Variants in RSPO2 observed in about 807,000 individuals in gnomAD.
RSPO2 encodes R-spondin-2.
RSPO2 carries 14 observed loss-of-function variants against 30.9 expected under a neutral mutation model. The ratio of observed to expected loss-of-function variants is 0.45; its 90% CI spans 0.30 to 0.71. The LOEUF is 0.71. Ranked by LOEUF, RSPO2 falls within the 30% of genes least tolerant of loss-of-function variation. RSPO2 has a pLI of 0.08. For missense variants in RSPO2, 264 were observed against 301.9 expected (o/e 0.87, Z 0.93); for synonymous variants, 107 against 96.4 (o/e 1.11, Z -0.64).
intron 2 of RSPO2, among the ~76,000 whole-genome samples, chr8:108,051,538 G>A (rs115035848): frequency 2.2e-4 from 34 of 152,304 alleles, no homozygotes; most frequent in African/African-American, 7.7e-4. Context: ...ATAGCAATGC[G>A]TGAATGGTTT....
At chr8:107,913,202 G>C (rs1316542420) in intron 5 of RSPO2, among the ~76,000 whole-genome samples, 1 of 152,122 alleles carries the variant, frequency 6.6e-6, no homozygotes, top group Non-Finnish European at 1.5e-5. Flanking sequence ...TGGTCCCAAA[G>C]CTTACCCTCT....
chr8:108,076,454 A>G (rs1293732414), intron 2 of RSPO2, among the ~76,000 whole-genome samples: 1 of 152,214 alleles, frequency 6.6e-6, no homozygotes, highest in Non-Finnish European at 1.5e-5. Flanking sequence ...TGAGGAGTCT[A>G]TGAGAGCCTG....
At chr8:108,079,331 A>G (rs1372406679) in intron 2 of RSPO2, among the ~76,000 whole-genome samples, 2 of 152,162 alleles carry the variant, frequency 1.3e-5, no homozygotes, top group African/African-American at 4.8e-5. Flanking sequence ...TGACTATCAA[A>G]TGCATTTTTA....
At chr8:108,020,660 A>G (rs1214898663) in intron 2 of RSPO2, among the ~76,000 whole-genome samples, 1 of 152,184 alleles carries the variant, frequency 6.6e-6, no homozygotes, top group Non-Finnish European at 1.5e-5. Flanking sequence ...AACATTTATG[A>G]TTACTTGCTA....
chr8:107,989,021 C>A (rs1226970594), intron 3 of RSPO2, 35 bp downstream of exon 3: 11 of 1,530,246 alleles, frequency 7.2e-6, no homozygotes, highest in Non-Finnish European at 8.7e-6. Context: ...AGTTGCATAT[C>A]CAGCAATACA....
At chr8:107,983,814 T>C in intron 3 of RSPO2, 1 of 1,605,016 alleles carries the variant, frequency 6.2e-7, no homozygotes, top group South Asian at 1.1e-5. Context: ...GCCACCACAT[T>C]CAGAAACTGC....
At chr8:108,004,102 T>C (rs1296990147) in intron 2 of RSPO2, among the ~76,000 whole-genome samples, 2 of 152,158 alleles carry the variant, frequency 1.3e-5, no homozygotes, top group Non-Finnish European at 2.9e-5. Context: ...ACTAGAACTA[T>C]AAACCAACAA....
At chr8:107,912,137 G>A (rs1342295466) in intron 5 of RSPO2, among the ~76,000 whole-genome samples, 1 of 152,110 alleles carries the variant, frequency 6.6e-6, no homozygotes, top group Non-Finnish European at 1.5e-5. Context: ...AATACAGGAT[G>A]CTTATTTTTC....
At chr8:108,048,633 T>A (rs991856204) in intron 2 of RSPO2, among the ~76,000 whole-genome samples, 1 of 152,188 alleles carries the variant, frequency 6.6e-6, no homozygotes, top group Non-Finnish European at 1.5e-5. Flanking sequence ...CTGGATTCAC[T>A]GATTTTTTGA....
At chr8:108,064,375 T>C (rs1020014034) in intron 2 of RSPO2, among the ~76,000 whole-genome samples, 3 of 152,088 alleles carry the variant, frequency 2.0e-5, no homozygotes, top group Non-Finnish European at 2.9e-5. Flanking sequence ...TATGAACAGA[T>C]ACTTCTCAAA....
chr8:108,024,963 G>A (rs759551654), intron 2 of RSPO2, among the ~76,000 whole-genome samples: 16 of 152,216 alleles, frequency 1.1e-4, no homozygotes, highest in Admixed American at 2.0e-4. Context: ...GAGGGGCAGC[G>A]AGCCGAGATC....
chr8:108,009,485 G>A (rs372997795), intron 2 of RSPO2, among the ~76,000 whole-genome samples: 20 of 152,202 alleles, frequency 1.3e-4, no homozygotes, highest in African/African-American at 4.3e-4. Flanking sequence ...TATAGAATGG[G>A]GGGTAGATTA....
chr8:107,931,850 A>T (rs533858993), intron 5 of RSPO2, among the ~76,000 whole-genome samples: 1 of 152,286 alleles, frequency 6.6e-6, no homozygotes, highest in Admixed American at 6.5e-5. Context: ...TTTAATGGAG[A>T]GGGGATTAAG....
intron 5 of RSPO2, among the ~76,000 whole-genome samples, chr8:107,910,647 T>C (rs896683939): frequency 2.0e-5 from 3 of 152,186 alleles, no homozygotes; most frequent in Admixed American, 2.0e-4. Flanking sequence ...CCACAAAGAA[T>C]CATAAATACA....
At chr8:108,082,081 C>T (rs189763932) in intron 2 of RSPO2, 343 of 209,458 alleles carry the variant, frequency 1.6e-3, no homozygotes, top group Admixed American at 3.6e-3. Context: ...TATGCTAGGT[C>T]AAGTCCGAAG....
At chr8:108,071,196 A>G (rs1484863803) in intron 2 of RSPO2, among the ~76,000 whole-genome samples, 3 of 152,228 alleles carry the variant, frequency 2.0e-5, no homozygotes, top group Non-Finnish European at 1.5e-5. Context: ...AAATTACACT[A>G]AACTTATGAT....
chr8:108,067,514 G>T lies in RSPO2; in HGVS notation c.94+15031C>A, dbSNP rs182966255. 3.1e-3 allele frequency among the ~76,000 whole-genome samples: 466 copies of T among 152,294 alleles called. 2 individuals are homozygous for T. The highest frequency in any genetic ancestry group is 5.9e-3 in the Non-Finnish European group (403 of 68,028). ...CAAAATGTCAATATTTGTTCAGCCT[G>T]GGTGAGGCATATGTAGGGATTCATC... On this transcript the variant is annotated intron_variant, in intron 2 of 5. Transcript: ENST00000276659.
intron 2 of RSPO2, among the ~76,000 whole-genome samples, chr8:108,035,605 G>A (rs1811570306): frequency 2.0e-5 from 3 of 152,116 alleles, no homozygotes; most frequent in African/African-American, 7.2e-5. Flanking sequence ...CGAGTAGCTG[G>A]GACTACAGGC....
intron 5 of RSPO2, among the ~76,000 whole-genome samples, chr8:107,922,719 AAAC>A (rs1372100932): frequency 6.6e-6 from 1 of 152,196 alleles, no homozygotes; most frequent in Admixed American, 6.5e-5. Flanking sequence ...ACGGGGCTGC[AAAC>A]AACATGGTAC....
Sources: gnomAD v4.1 joint callset for allele counts (sites outside exome capture counted in the v4.1 genomes callset) on GRCh38, gnomAD v4.1.1 for gene constraint, MANE v1.5 for transcripts, NCBI Gene and HGNC (gene_info 2026-07-23, HGNC 2026-07-21) for gene names.